The following CX3CR1 variants were observed in gnomAD, a reference collection of about 807,000 sequenced individuals.
The protein encoded by CX3CR1 is CX3C chemokine receptor 1.
For synonymous variants in CX3CR1, 168 were observed against 178.5 expected, an observed-to-expected ratio of 0.94 and a Z score of 0.47; for missense variants, 363 against 432.4, an observed-to-expected ratio of 0.84 and a Z score of 1.42.
upstream of CX3CR1, among the ~76,000 whole-genome samples, chr3:39,282,205 G>C (rs1305521583): frequency 6.6e-6 from 1 of 152,196 alleles, no homozygotes; most frequent in Non-Finnish European, 1.5e-5. Context: ...CATGGAGACA[G>C]AAAGAGCCTT....
intron 1 of CX3CR1, among the ~76,000 whole-genome samples, chr3:39,276,834 T>C (rs1220809768): frequency 6.6e-6 from 1 of 152,184 alleles, no homozygotes; most frequent in Admixed American, 6.5e-5. Context: ...GATATTTAGA[T>C]TCAGTCAAAC....
upstream of CX3CR1, chr3:39,281,346 C>T: frequency 1.3e-6 from 1 of 794,724 alleles, no homozygotes; most frequent in Non-Finnish European, 1.7e-6. Context: ...TGATACCTCT[C>T]CTGGGGTCCA....
chr3:39,281,663 T>A (rs769861517), upstream of CX3CR1: 1 of 1,599,274 alleles, frequency 6.3e-7, no homozygotes, highest in South Asian at 1.1e-5. Context: ...AATCCAAGTC[T>A]GCCAACTTAA....
In CX3CR1 at chr3:39,265,885, A is replaced by G. The variant is rs1351610797; in HGVS notation, c.625T>C (p.Tyr209His). Reference protein sequence around the residue: ...GFLLPLLIMSYCYFRIIQTLF... With the variant: ...GFLLPLLIMSHCYFRIIQTLF... Reference sequence around the variant, plus strand: ...GTCTGGATGATTCTGAAGTAGCAATAACTCATAATGAGCAGGGGGAGTAGG... The same window carrying G: ...GTCTGGATGATTCTGAAGTAGCAATGACTCATAATGAGCAGGGGGAGTAGG... The change falls in exon 2 of 2, where the codon TAT becomes CAT. Residue 209 changes from tyrosine to histidine, a missense_variant. Tyr to His is a moderately conservative substitution (Grantham distance 83). Coordinates refer to ENST00000399220, the MANE Select transcript of CX3CR1 (RefSeq NM_001337.4). The G allele has an allele frequency of 1.2e-6, 2 of 1,614,264 alleles. No individual in the cohort carries two copies.
At chr3:39,271,496 A>G (rs897701413) in intron 1 of CX3CR1, among the ~76,000 whole-genome samples, 9 of 152,390 alleles carry the variant, frequency 5.9e-5, no homozygotes, top group Admixed American at 5.9e-4. Flanking sequence ...TCAGAAGACA[A>G]CTTGGCAAAC....
At chr3:39,292,304 C>T in the CX3CR1 span, among the ~76,000 whole-genome samples, 284 of 152,308 alleles carry the variant, frequency 1.9e-3, no homozygotes, top group African/African-American at 6.4e-3. Flanking sequence ...AGACCCGGTC[C>T]AGTGGCAGAG....
upstream of CX3CR1, chr3:39,281,561 A>G (rs2040899344): frequency 6.5e-7 from 1 of 1,528,908 alleles, no homozygotes; most frequent in East Asian, 2.3e-5. Context: ...ATAATTTCCC[A>G]AGCCCATCTA....
At chr3:39,273,772 G>A (rs1204534297) in intron 1 of CX3CR1, among the ~76,000 whole-genome samples, 1 of 152,188 alleles carries the variant, frequency 6.6e-6, no homozygotes, top group African/African-American at 2.4e-5. Context: ...CTAAGTAGCT[G>A]GGAGTATAGG....
In CX3CR1 at chr3:39,265,142, A is replaced by G. The variant is rs2040677475; in HGVS notation, c.*300T>C. ...TTTTGCTTGTGCCACAATATGAACA[A>G]TATTCACCACCCTCATTTAACTAAA... On this transcript the variant is annotated 3_prime_UTR_variant, in exon 2 of 2. Transcript: ENST00000399220. The G allele has an allele frequency of 3.3e-6, 1 of 298,744 alleles. No individual in the cohort carries two copies. The highest frequency in any genetic ancestry group is 2.2e-5 in the African/African-American group (1 of 45,952). 18.5% of individuals were successfully genotyped at this position (298,744 alleles called of 1,614,324 possible).
chr3:39,265,286 G>C lies in CX3CR1; in HGVS notation c.*156C>G. 1 of 666,146 alleles carries C rather than the reference G, an allele frequency of 1.5e-6. No homozygotes were observed. Among genetic ancestry groups the C allele is most frequent in the Non-Finnish European group, 2.5e-6 (1 of 404,636 alleles). The allele number at this position is 666,146 out of a possible 1,614,324, so 41.3% of individuals were successfully genotyped here. ...TCAATTTGTTCATTCTTCAAATTTTGAGCACAATTCTCAACAACACTCTAG... is the reference window on the plus strand; with the variant it reads ...TCAATTTGTTCATTCTTCAAATTTTCAGCACAATTCTCAACAACACTCTAG... On this transcript the variant is annotated 3_prime_UTR_variant, in exon 2 of 2. Transcript: ENST00000399220.
At chr3:39,291,616 C>G in the CX3CR1 span, among the ~76,000 whole-genome samples, 2 of 152,146 alleles carry the variant, frequency 1.3e-5, no homozygotes, top group Non-Finnish European at 2.9e-5. Context: ...GTCTCAGATA[C>G]TTTTTGGTTT....
intron 1 of CX3CR1, among the ~76,000 whole-genome samples, chr3:39,268,724 CCT>C (rs1233534427): frequency 6.6e-6 from 1 of 152,194 alleles, no homozygotes; most frequent in East Asian, 1.9e-4. Context: ...CTGCATCTGT[CCT>C]CTCTGGCTGA....
chr3:39,290,793 C>T, the CX3CR1 span, among the ~76,000 whole-genome samples: 17 of 151,822 alleles, frequency 1.1e-4, no homozygotes, highest in African/African-American at 2.9e-4. Flanking sequence ...TGGTGGTGGG[C>T]GCCTGTAATC....
chr3:39,283,933 T>C (rs1440653665), upstream of CX3CR1, among the ~76,000 whole-genome samples: 1 of 149,630 alleles, frequency 6.7e-6, no homozygotes, highest in African/African-American at 2.5e-5. Flanking sequence ...AAATTTAATT[T>C]ACCTTTACAA....
intron 1 of CX3CR1, among the ~76,000 whole-genome samples, chr3:39,275,169 T>A (rs2040825234): frequency 6.6e-6 from 1 of 152,184 alleles, no homozygotes; most frequent in Admixed American, 6.5e-5. Context: ...CCTAGAAAAC[T>A]TTTACATACT....
chr3:39,290,851 G>A, the CX3CR1 span, among the ~76,000 whole-genome samples: 37 of 152,046 alleles, frequency 2.4e-4, no homozygotes, highest in East Asian at 3.5e-3. Flanking sequence ...AACCTGGGAG[G>A]CGGAGGTTGC....
At chr3:39,270,424 A>T (rs1378190036) in intron 1 of CX3CR1, among the ~76,000 whole-genome samples, 1 of 152,248 alleles carries the variant, frequency 6.6e-6, no homozygotes, top group East Asian at 1.9e-4. Context: ...TCAAAGCACG[A>T]TAAGTCCAAT....
At position 39,279,956 on chromosome 3, in the gene CX3CR1, G is replaced by C; in HGVS notation, c.-12C>G. 1.0e-6 allele frequency: 1 copy of C among 985,380 alleles called. No homozygotes were observed. Among genetic ancestry groups the C allele is most frequent in the Non-Finnish European group, 1.2e-6 (1 of 829,884 alleles). The allele number at this position is 985,380 out of a possible 1,614,324, so 61.0% of individuals were successfully genotyped here. ...CCCAACTAGTCCTGTGCACCTACCT[G>C]GCGTGGACTGCCAAGGGAACCTCTG... is the stretch of plus-strand genomic sequence containing the variant. On this transcript the variant is annotated splice_region_variant and 5_prime_UTR_variant, in exon 1 of 2. Transcript: ENST00000399220.
At chr3:39,273,132 C>T (rs2040799024) in intron 1 of CX3CR1, among the ~76,000 whole-genome samples, 1 of 152,256 alleles carries the variant, frequency 6.6e-6, no homozygotes, top group Non-Finnish European at 1.5e-5. Flanking sequence ...TATTGCAGGC[C>T]ACTTCTCTCG....
Sources: allele counts gnomAD v4.1 joint callset (sites outside exome capture counted in the v4.1 genomes callset), GRCh38; gene constraint gnomAD v4.1.1; transcripts MANE v1.5; gene names NCBI Gene and HGNC (gene_info 2026-07-23, HGNC 2026-07-21).